The following BCAS3 variants were observed in gnomAD, a reference collection of about 807,000 sequenced individuals.
BCAS3 encodes the protein BCAS4/BCAS3 fusion.
In BCAS3, 53 loss-of-function variants were observed where a neutral mutation model predicts 116.1. The observed-to-expected ratio is 0.46, with a 90% CI of 0.37 to 0.57. BCAS3 has a LOEUF of 0.57. Among genes scored for constraint, BCAS3 ranks in the 20% least tolerant of loss-of-function variants. The pLI is 0.00. For synonymous variants in BCAS3, 391 were observed against 408.2 expected, an observed-to-expected ratio of 0.96 and a Z score of 0.51; for missense variants, 917 against 1,165.4, an observed-to-expected ratio of 0.79 and a Z score of 3.10.
intron 22 of BCAS3, among the ~76,000 whole-genome samples, chr17:61,225,494 T>C (rs2082326519): frequency 6.6e-6 from 1 of 152,360 alleles, no homozygotes; most frequent in African/African-American, 2.4e-5. Flanking sequence ...TTGCTGCGGT[T>C]GGTTAATTCA....
At chr17:60,719,387 A>G (rs2038997984) in intron 5 of BCAS3, among the ~76,000 whole-genome samples, 1 of 152,266 alleles carries the variant, frequency 6.6e-6, no homozygotes, top group Non-Finnish European at 1.5e-5. Context: ...GCCAACTTTT[A>G]GAAAAATCAA....
In BCAS3 at chr17:61,012,540, T is replaced by G. The variant is rs1190713383; in HGVS notation, c.1487-3211T>G. ...TTGAGCATTTTATTAATATACTCAT[T>G]GTTTCATTAAAACTGTGTTTATAAG... On this transcript the variant is annotated intron_variant, in intron 15 of 23. Transcript: ENST00000407086. The surrounding 1 kb of genome is among the most constrained non-coding windows in gnomAD (Gnocchi z 4.5). 6.6e-6 allele frequency among the ~76,000 whole-genome samples: 1 copy of G among 152,038 alleles called. No individual in the cohort carries two copies. Among genetic ancestry groups the G allele is most frequent in the Non-Finnish European group, 1.5e-5 (1 of 67,932 alleles).
At position 61,355,186 on chromosome 17, in the gene BCAS3, C is replaced by T. The variant is rs1047965783; in HGVS notation, c.2426-13141C>T. On this transcript the variant is annotated intron_variant, in intron 22 of 23. Transcript: ENST00000407086. The surrounding 1 kb of genome is among the most constrained non-coding windows in gnomAD (Gnocchi z 4.2). ...AAATAATCCAAGAGGACAAGCCACT[C>T]GTGTCTGTGTGTATATTGGGTTTCA... The T allele has an allele frequency of 1.3e-5, 2 of 152,234 alleles. No individual in the cohort carries two copies. The highest frequency in any genetic ancestry group is 1.9e-4 in the East Asian group (1 of 5,202). The allele number at this position is 152,234 out of a possible 1,614,324, so 9.4% of individuals were successfully genotyped here.
At chr17:61,371,959 A>G (rs913387465) in intron 23 of BCAS3, among the ~76,000 whole-genome samples, 1 of 152,218 alleles carries the variant, frequency 6.6e-6, no homozygotes, top group Non-Finnish European at 1.5e-5. Flanking sequence ...TCAATCACCT[A>G]TGTGATTTGC....
At chr17:61,052,804 T>TA (rs2069000519) in intron 19 of BCAS3, among the ~76,000 whole-genome samples, 1 of 149,468 alleles carries the variant, frequency 6.7e-6, no homozygotes, top group African/African-American at 2.4e-5. Context: ...CTACAACCTC[T>TA]GCCTCCCGGA....
chr17:61,022,795 G>A (rs1234058926), intron 16 of BCAS3, among the ~76,000 whole-genome samples: 38 of 151,908 alleles, frequency 2.5e-4, no homozygotes, highest in Non-Finnish European at 8.8e-5. Context: ...CTATATCACC[G>A]CACCCGGCTG....
chr17:60,894,957 T>G (rs1039168545), intron 10 of BCAS3, among the ~76,000 whole-genome samples: 1 of 152,160 alleles, frequency 6.6e-6, no homozygotes, highest in African/African-American at 2.4e-5. Context: ...GCTGTTGGTT[T>G]TGATTTTCTA....
In BCAS3 at chr17:61,088,451, C is replaced by G. The variant is rs79955737; in HGVS notation, c.2425+3887C>G. 0.019 allele frequency among the ~76,000 whole-genome samples: 2,898 copies of G among 152,198 alleles called. 94 individuals are homozygous for G. The highest frequency in any genetic ancestry group is 0.065 in the African/African-American group (2,692 of 41,526). On this transcript the variant is annotated intron_variant, in intron 22 of 23. Coordinates refer to ENST00000407086, the MANE Select transcript of BCAS3 (RefSeq NM_017679.5). This position sits in a 1 kb window ranked among gnomAD's most constrained non-coding sequence, Gnocchi z 4.2. ...AGCACTGCATCAATTTATTCATTTT[C>G]CTGTATGTTCATTTTGGCTAGATAG...
intron 14 of BCAS3, among the ~76,000 whole-genome samples, chr17:60,981,220 C>T (rs1351574462): frequency 2.0e-5 from 3 of 151,706 alleles, no homozygotes; most frequent in Non-Finnish European, 2.9e-5. Flanking sequence ...TAGGTGATCT[C>T]GATTAAGAGT....
At chr17:60,683,836 CAAAA>C in intron 2 of BCAS3, 142 bp from the exon 3 acceptor site, 1 of 713,600 alleles carries the variant, frequency 1.4e-6, no homozygotes, top group Non-Finnish European at 2.3e-6. Context: ...TGTCTCAAAA[CAAAA>C]CAAAACAAAA....
chr17:61,044,465 A>AAAAAAAAAAAAATATATATAT, intron 19 of BCAS3, among the ~76,000 whole-genome samples: 7 of 120,112 alleles, frequency 5.8e-5, no homozygotes, highest in African/African-American at 3.5e-4. Context: ...AAAAAAAAAA[A>AAAAAAAAAAAAATATATATAT]ATATATATAT....
intron 22 of BCAS3, among the ~76,000 whole-genome samples, chr17:61,299,722 G>A (rs1302757369): frequency 6.6e-6 from 1 of 152,140 alleles, no homozygotes; most frequent in Admixed American, 6.5e-5. Context: ...CCAGGATTAG[G>A]AACAATCCAG....
At chr17:61,079,493 A>T (rs2072347492) in intron 21 of BCAS3, among the ~76,000 whole-genome samples, 1 of 152,226 alleles carries the variant, frequency 6.6e-6, no homozygotes, top group Admixed American at 6.5e-5. Context: ...ATAAGCCTAG[A>T]GTACGGCCGG....
intron 22 of BCAS3, among the ~76,000 whole-genome samples, chr17:61,152,369 G>T (rs1162034625): frequency 6.6e-6 from 1 of 152,076 alleles, no homozygotes; most frequent in Non-Finnish European, 1.5e-5. Context: ...ATTTTACAGA[G>T]TGCTGATTGG....
intron 14 of BCAS3, among the ~76,000 whole-genome samples, chr17:60,951,736 G>A (rs938625454): frequency 1.4e-5 from 2 of 148,044 alleles, no homozygotes; most frequent in Middle Eastern, 3.5e-3. Context: ...TTTACTGATT[G>A]ATAGGGTCTT....
At chr17:61,201,610 T>C (rs2080818863) in intron 22 of BCAS3, among the ~76,000 whole-genome samples, 1 of 152,150 alleles carries the variant, frequency 6.6e-6, no homozygotes, top group African/African-American at 2.4e-5. Context: ...CCTAGCGAGT[T>C]TGCTCAGGTT....
chr17:60,940,776 C>T (rs1269173595), intron 13 of BCAS3, among the ~76,000 whole-genome samples: 1 of 152,092 alleles, frequency 6.6e-6, no homozygotes, highest in African/African-American at 2.4e-5. Flanking sequence ...GTTTATGTCT[C>T]TTTTTGGAAA....
chr17:60,707,419 A>AT (rs1389519614), intron 4 of BCAS3, among the ~76,000 whole-genome samples: 1 of 152,132 alleles, frequency 6.6e-6, no homozygotes, highest in Non-Finnish European at 1.5e-5. Flanking sequence ...CTATACGTGG[A>AT]TTTTGACTGC....
chr17:61,160,721 G>A (rs551679889), intron 22 of BCAS3, among the ~76,000 whole-genome samples: 13 of 152,178 alleles, frequency 8.5e-5, no homozygotes, highest in Admixed American at 1.3e-4. Flanking sequence ...TGATTATAGT[G>A]GACCACACTA....
Sources: allele counts gnomAD v4.1 joint callset (sites outside exome capture counted in the v4.1 genomes callset), GRCh38; gene constraint gnomAD v4.1.1; non-coding constraint Gnocchi (gnomAD v3.1); transcripts MANE v1.5; gene names NCBI Gene and HGNC (gene_info 2026-07-23, HGNC 2026-07-21).